Variants in IL1RAPL1 observed in about 807,000 individuals in gnomAD.
The protein encoded by IL1RAPL1 is interleukin-1 receptor accessory protein-like 1.
A neutral mutation model predicts 48.4 loss-of-function variants in IL1RAPL1; 3 were observed. That is an observed-to-expected ratio of 0.06 (90% CI 0.03 to 0.16). The LOEUF (loss-of-function observed/expected upper bound fraction) is 0.16. Among genes scored for constraint, IL1RAPL1 ranks in the 10% least tolerant of loss-of-function variants. The probability of loss-of-function intolerance (pLI) is 1.00; values close to 1 mark genes in which losing one functional copy is unlikely to be tolerated. For missense variants in IL1RAPL1, 349 were observed against 530.6 expected (o/e 0.66, Z 3.36); for synonymous variants, 185 against 187.7 (o/e 0.99, Z 0.12).
At chrX:29,362,201 C>G (rs1353909595) in intron 3 of IL1RAPL1, among the ~76,000 whole-genome samples, 1 of 112,339 alleles carries the variant, frequency 8.9e-6, no homozygotes, top group Non-Finnish European at 1.9e-5. Context: ...AGGGTTTTCT[C>G]TACTTTGTTG....
chrX:29,521,376 G>A (rs1935501484), intron 5 of IL1RAPL1, among the ~76,000 whole-genome samples: 1 of 111,597 alleles, frequency 9.0e-6, no homozygotes, highest in Non-Finnish European at 1.9e-5. Flanking sequence ...TCACACCAAT[G>A]TGATTGTATG....
intron 2 of IL1RAPL1, among the ~76,000 whole-genome samples, chrX:29,120,999 A>T (rs1273019466): frequency 8.9e-6 from 1 of 112,326 alleles, no homozygotes; most frequent in Non-Finnish European, 1.9e-5. Context: ...ACTTTATCTT[A>T]TCAATAGAGG....
intron 5 of IL1RAPL1, among the ~76,000 whole-genome samples, chrX:29,531,240 A>G (rs897745599): frequency 9.9e-5 from 11 of 110,837 alleles, no homozygotes; most frequent in African/African-American, 3.3e-4. Context: ...CTTGAAAATG[A>G]CAATCAGTTA....
intron 6 of IL1RAPL1, among the ~76,000 whole-genome samples, chrX:29,867,667 A>G (rs1931722755): frequency 8.9e-6 from 1 of 112,509 alleles, no homozygotes; most frequent in Admixed American, 9.4e-5. Context: ...ACTCTTGGAG[A>G]ACACATTTGC....
chrX:29,480,413 G>C (rs1468900416), intron 5 of IL1RAPL1, among the ~76,000 whole-genome samples: 1 of 106,325 alleles, frequency 9.4e-6, no homozygotes, highest in African/African-American at 3.5e-5. Context: ...ATCTTGGCCT[G>C]ATCTACCCCT....
chrX:29,527,208 C>T (rs1488179927), intron 5 of IL1RAPL1, among the ~76,000 whole-genome samples: 2 of 109,777 alleles, frequency 1.8e-5, no homozygotes, highest in African/African-American at 6.6e-5. Context: ...CTTCCTCAAG[C>T]CATACACGAG....
chrX:29,297,648 G>A (rs1423606237), intron 3 of IL1RAPL1, among the ~76,000 whole-genome samples: 2 of 111,907 alleles, frequency 1.8e-5, no homozygotes, highest in African/African-American at 6.5e-5. Context: ...ATAAACAATG[G>A]AGGAAGTCCA....
intron 2 of IL1RAPL1, among the ~76,000 whole-genome samples, chrX:29,181,434 A>G (rs1193112143): frequency 1.8e-5 from 2 of 112,112 alleles, no homozygotes; most frequent in African/African-American, 3.2e-5. Context: ...CTAATAGTCT[A>G]GGTATTACTG....
At chrX:28,946,737 C>A (rs1924315805) in intron 2 of IL1RAPL1, among the ~76,000 whole-genome samples, 1 of 111,151 alleles carries the variant, frequency 9.0e-6, no homozygotes, top group African/African-American at 3.3e-5. Context: ...CTCTCAATTT[C>A]TCCCAATTTA....
At chrX:28,944,937 G>A (rs1444850400) in intron 2 of IL1RAPL1, among the ~76,000 whole-genome samples, 1 of 109,924 alleles carries the variant, frequency 9.1e-6, no homozygotes, top group Non-Finnish European at 1.9e-5. Flanking sequence ...GCATAAACAC[G>A]CACACACACA....
At chrX:29,227,411 T>G (rs1931104168) in intron 2 of IL1RAPL1, among the ~76,000 whole-genome samples, 1 of 111,655 alleles carries the variant, frequency 9.0e-6, no homozygotes, top group Admixed American at 9.5e-5. Flanking sequence ...TAATCTAAAT[T>G]TAAGAATTCA....
At chrX:29,608,414 TGGGAGAAAGAAAGGAAGAGGAAA>T (rs1569126282) in intron 5 of IL1RAPL1, among the ~76,000 whole-genome samples, 2 of 83,766 alleles carry the variant, frequency 2.4e-5, no homozygotes, top group East Asian at 3.4e-4. Flanking sequence ...GAAGGAAGGA[TGGGAGAAAGAAAGGAAGAGGAAA>T]GGGAGAAAGA....
At chrX:29,175,386 G>T (rs938649345) in intron 2 of IL1RAPL1, among the ~76,000 whole-genome samples, 3 of 112,005 alleles carry the variant, frequency 2.7e-5, no homozygotes, top group Non-Finnish European at 5.6e-5. Context: ...CATGGGCTGA[G>T]ATTAATCAGT....
At chrX:28,752,904 T>C (rs1936059880) in intron 1 of IL1RAPL1, among the ~76,000 whole-genome samples, 1 of 112,548 alleles carries the variant, frequency 8.9e-6, no homozygotes, top group African/African-American at 3.2e-5. Context: ...AATAAATAAA[T>C]GGCTCCAATT....
chrX:29,213,943 A>T (rs1468270738), intron 2 of IL1RAPL1, among the ~76,000 whole-genome samples: 1 of 111,549 alleles, frequency 9.0e-6, no homozygotes. Context: ...GAAGCTCCAT[A>T]AGGGCAGAGA....
At chrX:29,346,808 G>C (rs923389183) in intron 3 of IL1RAPL1, among the ~76,000 whole-genome samples, 5 of 112,295 alleles carry the variant, frequency 4.5e-5, no homozygotes, top group African/African-American at 1.6e-4. Context: ...AATACACCTT[G>C]ACAGGTTTCT....
chrX:29,330,435 C>T (rs73462505), intron 3 of IL1RAPL1, among the ~76,000 whole-genome samples: 236 of 111,595 alleles, frequency 2.1e-3, no homozygotes, highest in African/African-American at 7.3e-3. Context: ...ACAGGCGTGG[C>T]AGGCGGCGTC....
chrX:29,765,279 T>TTAA (rs1192593893), intron 6 of IL1RAPL1, among the ~76,000 whole-genome samples: 1 of 106,487 alleles, frequency 9.4e-6, no homozygotes, highest in Non-Finnish European at 1.9e-5. Flanking sequence ...CAATGGCTTG[T>TTAA]TAATTGTCAT....
chrX:29,526,940 C>T (rs1339088068), intron 5 of IL1RAPL1, among the ~76,000 whole-genome samples: 1 of 111,376 alleles, frequency 9.0e-6, no homozygotes, highest in African/African-American at 3.3e-5. Context: ...AAATAATGAA[C>T]AAAAATATCT....
Sources: allele counts gnomAD v4.1 joint callset (sites outside exome capture counted in the v4.1 genomes callset), GRCh38; gene constraint gnomAD v4.1.1; transcripts MANE v1.5; gene names NCBI Gene and HGNC (gene_info 2026-07-23, HGNC 2026-07-21).